The following TAOK1 variants were observed in gnomAD, a reference collection of about 807,000 sequenced individuals.
TAOK1 encodes serine/threonine-protein kinase TAO1.
In TAOK1, 21 loss-of-function variants were observed where a neutral mutation model predicts 138.3. The ratio of observed to expected loss-of-function variants is 0.15; its 90% confidence interval spans 0.11 to 0.22. The LOEUF (loss-of-function observed/expected upper bound fraction) is 0.22. Ranked by LOEUF, TAOK1 falls within the 10% of genes least tolerant of loss-of-function variation. The pLI, the probability that TAOK1 is intolerant of heterozygous loss-of-function variation, is 1.00. For synonymous variants in TAOK1, 361 were observed against 398.4 expected (o/e 0.91, Z 1.12); for missense variants, 651 against 1,227.7 (o/e 0.53, Z 7.02).
At chr17:29,533,329 C>T (rs1461817052) in intron 18 of TAOK1, among the ~76,000 whole-genome samples, 5 of 149,490 alleles carry the variant, frequency 3.3e-5, no homozygotes, top group African/African-American at 1.2e-4. Flanking sequence ...GGATGGCGGC[C>T]GGGCAGAGAT....
chr17:29,456,277 A>C (rs8070136), intron 2 of TAOK1, among the ~76,000 whole-genome samples: 1 of 149,358 alleles, frequency 6.7e-6, no homozygotes, highest in Admixed American at 6.6e-5. Context: ...GAACCCGTCC[A>C]TGAGGTGGAG....
chr17:29,481,319 G>T (rs1388628223), intron 7 of TAOK1, among the ~76,000 whole-genome samples: 1 of 151,358 alleles, frequency 6.6e-6, no homozygotes, highest in Non-Finnish European at 1.5e-5. Flanking sequence ...TCAGCCTCCT[G>T]AGTAGCTGGG....
intron 1 of TAOK1, among the ~76,000 whole-genome samples, chr17:29,398,099 G>C (rs1251144299): frequency 6.6e-6 from 1 of 152,032 alleles, no homozygotes; most frequent in Non-Finnish European, 1.5e-5. Flanking sequence ...ACTCATGGGG[G>C]CTCAGGCAGT....
intron 8 of TAOK1, among the ~76,000 whole-genome samples, chr17:29,488,003 C>T (rs1013156334): frequency 2.0e-5 from 3 of 152,138 alleles, no homozygotes; most frequent in African/African-American, 7.2e-5. Flanking sequence ...CTGTGATACT[C>T]CTGCCAAAGG....
At chr17:29,540,215 AAGG>A (rs1369609088) in intron 19 of TAOK1, among the ~76,000 whole-genome samples, 1 of 152,246 alleles carries the variant, frequency 6.6e-6, no homozygotes, top group African/African-American at 2.4e-5. Flanking sequence ...ATGAAGGTTG[AAGG>A]AGGACTTAAA....
rs140308719 is a variant in TAOK1, at chr17:29,471,207, A to G, written c.204+3991A>G. Among the ~76,000 whole-genome samples the G allele has an allele frequency of 2.5e-3, 384 of 151,580 alleles. 4 individuals carry two copies. The highest frequency in any genetic ancestry group is 6.4e-3 in the Admixed American group (98 of 15,198). On this transcript the variant is annotated intron_variant, in intron 3 of 19. Coordinates refer to ENST00000261716, the MANE Select transcript of TAOK1 (RefSeq NM_020791.4). ...ATGCTATACTGTAGTACCGTAGTCC[A>G]TTAAGTGTGCAATAACATTTTGTCT...
intron 2 of TAOK1, among the ~76,000 whole-genome samples, chr17:29,466,151 C>G (rs1330887557): frequency 1.3e-5 from 2 of 151,788 alleles, no homozygotes; most frequent in Non-Finnish European, 2.9e-5. Flanking sequence ...TTTTGCATTC[C>G]TGTGTGTTTT....
intron 12 of TAOK1, among the ~76,000 whole-genome samples, chr17:29,499,273 C>G (rs1324732754): frequency 6.8e-6 from 1 of 147,756 alleles, no homozygotes; most frequent in Non-Finnish European, 1.5e-5. Context: ...CTCTGTCACC[C>G]AGGCTGGAGT....
chr17:29,417,747 G>A (rs544602427), intron 1 of TAOK1, among the ~76,000 whole-genome samples: 1 of 152,256 alleles, frequency 6.6e-6, no homozygotes, highest in Admixed American at 6.5e-5. Context: ...CTTTGTGGCT[G>A]GACATGGCAC....
At chr17:29,395,623 T>C (rs1249007312) in intron 1 of TAOK1, among the ~76,000 whole-genome samples, 1 of 150,018 alleles carries the variant, frequency 6.7e-6, no homozygotes, top group Non-Finnish European at 1.5e-5. Flanking sequence ...CAACATATGC[T>C]CACCTGCCTT....
At chr17:29,520,821 C>T (rs978855317) in intron 16 of TAOK1, among the ~76,000 whole-genome samples, 1 of 151,538 alleles carries the variant, frequency 6.6e-6, no homozygotes, top group Non-Finnish European at 1.5e-5. Flanking sequence ...GTCAGGAGAT[C>T]GAGACCATCC....
At chr17:29,426,884 T>C (rs921291476) in intron 1 of TAOK1, among the ~76,000 whole-genome samples, 3 of 152,184 alleles carry the variant, frequency 2.0e-5, no homozygotes, top group African/African-American at 4.8e-5. Context: ...CCTTGAATAT[T>C]TTATAGTAGA....
chr17:29,481,478 CTG>C (rs934275197), intron 7 of TAOK1, among the ~76,000 whole-genome samples: 11 of 151,986 alleles, frequency 7.2e-5, no homozygotes, highest in African/African-American at 2.4e-4. Flanking sequence ...GCGTGAACCA[CTG>C]TGCCTGGCCA....
chr17:29,482,723 G>GAT lies in TAOK1; in HGVS notation c.655+449_655+450dup, dbSNP rs766574098. 1.5e-3 allele frequency among the ~76,000 whole-genome samples: 229 copies of GAT among 148,614 alleles called. 1 individual carries two copies. The highest frequency in any genetic ancestry group is 7.1e-3 in the Admixed American group (105 of 14,810). On this transcript the variant is annotated intron_variant, in intron 8 of 19. Coordinates refer to ENST00000261716, the MANE Select transcript of TAOK1 (RefSeq NM_020791.4). ...CCTACATACCATTTTGTAACAGTTT[G>GAT]ATATATATATATATACATATTTTTT...
At position 29,491,915 on chromosome 17, in the gene TAOK1, C is replaced by T. The variant is rs200416698; in HGVS notation, c.831+50C>T. 5.7e-6 allele frequency: 8 copies of T among 1,399,340 alleles called. No homozygotes were observed. The African/African-American group carries it at 1.0e-4, about 18-fold the overall frequency. 86.7% of individuals were successfully genotyped at this position (1,399,340 alleles called of 1,614,324 possible). On this transcript the variant is annotated intron_variant, in intron 10 of 19. Coordinates refer to ENST00000261716, the MANE Select transcript of TAOK1 (RefSeq NM_020791.4). The stretch of plus-strand genomic sequence containing the variant: ...TTTATTTTATTTTAAGACAAGGCCT[C>T]ACTTTGTCACCCAGGCTGGAGTGGC...
At chr17:29,506,862 G>A (rs374922349) in intron 13 of TAOK1, among the ~76,000 whole-genome samples, 1 of 152,118 alleles carries the variant, frequency 6.6e-6, no homozygotes, top group East Asian at 1.9e-4. Context: ...GTCCATCAAT[G>A]GATGAGTGGA....
At chr17:29,433,074 T>TA (rs1250073919) in intron 1 of TAOK1, among the ~76,000 whole-genome samples, 2 of 152,168 alleles carry the variant, frequency 1.3e-5, no homozygotes, top group African/African-American at 4.8e-5. Flanking sequence ...TTACCATAGT[T>TA]ATCTTTTTGA....
intron 7 of TAOK1, among the ~76,000 whole-genome samples, chr17:29,480,819 G>A (rs1051422702): frequency 6.7e-5 from 9 of 133,518 alleles, no homozygotes; most frequent in African/African-American, 1.8e-4. Flanking sequence ...GGAGTGAGCC[G>A]AGATTGTGCC....
chr17:29,481,938 T>C (rs1477106892), intron 7 of TAOK1, among the ~76,000 whole-genome samples: 1 of 152,114 alleles, frequency 6.6e-6, no homozygotes, highest in Non-Finnish European at 1.5e-5. Flanking sequence ...CCAGCCTGGG[T>C]GACAGAGCGA....
Sources: gnomAD v4.1 joint callset for allele counts (sites outside exome capture counted in the v4.1 genomes callset) on GRCh38, gnomAD v4.1.1 for gene constraint, MANE v1.5 for transcripts, NCBI Gene and HGNC (gene_info 2026-07-23, HGNC 2026-07-21) for gene names.